The following FGF13 variants were observed in gnomAD, a reference collection of about 807,000 sequenced individuals.
FGF13 encodes the protein fibroblast growth factor homologous factor 2.
In FGF13, 2 loss-of-function variants were observed where a neutral mutation model predicts 19.5. The observed-to-expected ratio is 0.10, with a 90% confidence interval of 0.04 to 0.32. FGF13 has a LOEUF of 0.32. Ranked by LOEUF, FGF13 falls within the 10% of genes least tolerant of loss-of-function variation. FGF13 has a pLI of 1.00. For synonymous variants in FGF13, 72 were observed against 76.9 expected (o/e 0.94, Z 0.33); for missense variants, 113 against 192.7 (o/e 0.59, Z 2.45).
intron 1 of FGF13, among the ~76,000 whole-genome samples, chrX:138,894,951 TG>T (rs2091496053): frequency 1.8e-5 from 2 of 111,893 alleles, no homozygotes; most frequent in African/African-American, 3.3e-5. Context: ...GCACATCAAA[TG>T]CTTATCCACC....
At chrX:138,663,228 C>T (rs190674699) in intron 3 of FGF13, among the ~76,000 whole-genome samples, 119 of 111,319 alleles carry the variant, frequency 1.1e-3, no homozygotes, top group African/African-American at 3.3e-3. Flanking sequence ...TTTTATTTTG[C>T]TTAGGTGAAT....
At chrX:139,116,388 C>T in intron 1 of FGF13, among the ~76,000 whole-genome samples, 1 of 111,654 alleles carries the variant, frequency 9.0e-6, no homozygotes, top group Middle Eastern at 4.6e-3. Context: ...AATGCAGGAG[C>T]AAATATTTCT....
At chrX:139,176,272 T>C (rs183551363) in intron 1 of FGF13, among the ~76,000 whole-genome samples, 2 of 111,587 alleles carry the variant, frequency 1.8e-5, no homozygotes, top group East Asian at 5.6e-4. Flanking sequence ...TTTTATTGTG[T>C]CTATTTGATT....
upstream of FGF13, among the ~76,000 whole-genome samples, chrX:138,744,288 A>C (rs1273526738): frequency 9.0e-6 from 1 of 111,293 alleles, no homozygotes; most frequent in East Asian, 2.9e-4. Flanking sequence ...CCACAGTGCA[A>C]ATCCTAGTCA....
chrX:138,667,947 G>A (rs756755261), intron 3 of FGF13, among the ~76,000 whole-genome samples: 4 of 110,823 alleles, frequency 3.6e-5, no homozygotes, highest in Non-Finnish European at 7.6e-5. Context: ...GGATCAGTTC[G>A]TCCCCTGTAA....
intron 1 of FGF13, among the ~76,000 whole-genome samples, chrX:139,088,795 A>G (rs1448353702): frequency 2.7e-5 from 3 of 111,582 alleles, no homozygotes; most frequent in African/African-American, 9.8e-5. Context: ...CAAAACTCAT[A>G]TGTTGAAATC....
intron 1 of FGF13, among the ~76,000 whole-genome samples, chrX:138,969,388 C>T (rs1226413210): frequency 1.8e-5 from 2 of 111,390 alleles, no homozygotes; most frequent in Admixed American, 9.5e-5. Context: ...AGATGGGTGA[C>T]AGAGAATGAA....
At chrX:138,834,626 G>A (rs1308930693) in intron 3 of FGF13, among the ~76,000 whole-genome samples, 8 of 106,792 alleles carry the variant, frequency 7.5e-5, no homozygotes, top group Non-Finnish European at 1.2e-4. Flanking sequence ...TGGAGTGATC[G>A]TTTGAATGGT....
At chrX:138,717,915 A>G (rs920670214) in intron 1 of FGF13, among the ~76,000 whole-genome samples, 6 of 112,025 alleles carry the variant, frequency 5.4e-5, no homozygotes, top group African/African-American at 1.9e-4. Context: ...CACAAAGCTA[A>G]TTGTTAGTGC....
In FGF13 at chrX:138,628,040, A is replaced by G. The variant is rs1041736460; in HGVS notation, c.*4810T>C. On this transcript the variant is annotated 3_prime_UTR_variant, in exon 5 of 5. Transcript: ENST00000315930. Reference sequence around the variant, plus strand: ...GAGTAACAGTGTTTAAAGATTACAAAGGCCCAGAAAATGTGATGGTTCATG... The same window carrying G: ...GAGTAACAGTGTTTAAAGATTACAAGGGCCCAGAAAATGTGATGGTTCATG... 8 of 111,984 alleles carry G rather than the reference A, an allele frequency of 7.1e-5. No homozygotes were observed. The highest frequency in any genetic ancestry group is 1.9e-4 in the African/African-American group (6 of 30,799). The allele number at this position is 111,984 out of a possible 1,213,427, so 9.2% of individuals were successfully genotyped here.
At chrX:139,106,664 A>G (rs1236378310) in intron 1 of FGF13, among the ~76,000 whole-genome samples, 1 of 112,515 alleles carries the variant, frequency 8.9e-6, no homozygotes, top group African/African-American at 3.2e-5. Context: ...CTCAGAGAAT[A>G]TGTGAGCAAA....
At chrX:139,101,681 G>C (rs1194758554) in intron 1 of FGF13, among the ~76,000 whole-genome samples, 1 of 112,484 alleles carries the variant, frequency 8.9e-6, no homozygotes, top group East Asian at 2.8e-4. Context: ...ACTGTAGTAA[G>C]TGAAAATACA....
chrX:138,926,524 T>A (rs983462568), intron 1 of FGF13, among the ~76,000 whole-genome samples: 2 of 111,098 alleles, frequency 1.8e-5, no homozygotes, highest in Admixed American at 9.5e-5. Flanking sequence ...GTGGGCCTCA[T>A]TGACATTGTG....
At chrX:138,913,691 AGG>A (rs1490508868) in intron 1 of FGF13, among the ~76,000 whole-genome samples, 1 of 106,710 alleles carries the variant, frequency 9.4e-6, no homozygotes, top group Non-Finnish European at 1.9e-5. Flanking sequence ...GAAGGAAGGA[AGG>A]AAGGAAGGAA....
chrX:138,834,589 C>CA (rs751904671), intron 3 of FGF13, among the ~76,000 whole-genome samples: 212 of 98,939 alleles, frequency 2.1e-3, no homozygotes, highest in African/African-American at 4.0e-3. Flanking sequence ...TATTTTTTTT[C>CA]AAAAAAAAAA....
At chrX:138,790,856 G>C (rs2090737411) in intron 3 of FGF13, among the ~76,000 whole-genome samples, 2 of 111,898 alleles carry the variant, frequency 1.8e-5, no homozygotes, top group South Asian at 7.4e-4. Flanking sequence ...ACCTGTTAAG[G>C]CTAAGTCATT....
chrX:138,757,080 G>A (rs985112644), intron 3 of FGF13, among the ~76,000 whole-genome samples: 2 of 110,995 alleles, frequency 1.8e-5, no homozygotes, highest in African/African-American at 6.6e-5. Context: ...GGCAGGGGAT[G>A]GGTGCGATGA....
intron 3 of FGF13, among the ~76,000 whole-genome samples, chrX:138,664,636 G>A (rs1265639286): frequency 9.0e-6 from 1 of 110,928 alleles, no homozygotes; most frequent in Non-Finnish European, 1.9e-5. Context: ...TTCCACAGAT[G>A]GCTAGTTATA....
chrX:138,979,639 G>T (rs2091955320), intron 1 of FGF13, among the ~76,000 whole-genome samples: 1 of 110,408 alleles, frequency 9.1e-6, no homozygotes, highest in Non-Finnish European at 1.9e-5. Context: ...GTACCAGAGG[G>T]CAAGATCCTC....
Sources: allele counts gnomAD v4.1 joint callset (sites outside exome capture counted in the v4.1 genomes callset), GRCh38; gene constraint gnomAD v4.1.1; transcripts MANE v1.5; gene names NCBI Gene and HGNC (gene_info 2026-07-23, HGNC 2026-07-21).